FGD5: variants seen among roughly 807,000 people sequenced by gnomAD.
The protein encoded by FGD5 is FYVE, RhoGEF and PH domain-containing protein 5.
A neutral mutation model predicts 133.4 loss-of-function variants in FGD5; 28 were observed. The ratio of observed to expected loss-of-function variants is 0.21; its 90% CI spans 0.16 to 0.29. The LOEUF is 0.29. FGD5 is among the 10% of genes least tolerant of loss of function. The pLI is 1.00. For missense variants in FGD5, 1,858 were observed against 1,895.2 expected, an observed-to-expected ratio of 0.98 and a Z score of 0.36; for synonymous variants, 810 against 776.5, an observed-to-expected ratio of 1.04 and a Z score of -0.72.
intron 4 of FGD5, among the ~76,000 whole-genome samples, chr3:14,884,110 G>A (rs751730938): frequency 1.3e-5 from 2 of 152,228 alleles, no homozygotes; most frequent in Non-Finnish European, 2.9e-5. Flanking sequence ...TACCAAAAAT[G>A]CTGGGCCAAG....
rs892596609 is a variant in FGD5 at position 14,860,639 on chromosome 3, A to G, written c.2526-3489A>G. Among the ~76,000 whole-genome samples, 4 of 152,206 alleles carry G rather than the reference A, an allele frequency of 2.6e-5. No homozygotes were observed. The South Asian group carries it at 8.3e-4, about 32-fold the overall frequency. On this transcript the variant is annotated intron_variant, in intron 1 of 19. Transcript: ENST00000285046. ...AATATGAGCAAGATAACTTTAGTCA[A>G]ACACGTTATTATAATTTAATAATTA...
At chr3:14,882,841 G>A (rs1255788856) in intron 4 of FGD5, among the ~76,000 whole-genome samples, 3 of 152,186 alleles carry the variant, frequency 2.0e-5, no homozygotes, top group African/African-American at 7.2e-5. Flanking sequence ...AGGGACATGA[G>A]TCTTAAAGGA....
At chr3:14,878,471 C>G (rs1032487928) in intron 2 of FGD5, among the ~76,000 whole-genome samples, 3 of 152,150 alleles carry the variant, frequency 2.0e-5, no homozygotes, top group African/African-American at 7.2e-5. Flanking sequence ...CCTGGCACCA[C>G]CTCAGTGACA....
At chr3:14,817,245 G>T (rs2036384159), upstream of FGD5, among the ~76,000 whole-genome samples, 1 of 152,088 alleles carries the variant, frequency 6.6e-6, no homozygotes, top group Non-Finnish European at 1.5e-5. Flanking sequence ...ACCCAGGCGG[G>T]AGTTCAGTGG....
At chr3:14,909,316 A>C (rs1224420878) in intron 10 of FGD5, among the ~76,000 whole-genome samples, 1 of 152,226 alleles carries the variant, frequency 6.6e-6, no homozygotes, top group East Asian at 1.9e-4. Context: ...TTCATAGGCC[A>C]CTTTATACAA....
chr3:14,877,551 A>T (rs1051428956), intron 2 of FGD5, among the ~76,000 whole-genome samples: 1 of 152,200 alleles, frequency 6.6e-6, no homozygotes, highest in African/African-American at 2.4e-5. Context: ...GAGGAAACAG[A>T]GGCATCTGAG....
At chr3:14,869,303 A>G (rs926474821) in intron 2 of FGD5, among the ~76,000 whole-genome samples, 9 of 150,760 alleles carry the variant, frequency 6.0e-5, no homozygotes, top group African/African-American at 1.5e-4. Context: ...TAAGACAACA[A>G]CAACAATACA....
At chr3:14,852,738 A>G (rs909827465) in intron 1 of FGD5, among the ~76,000 whole-genome samples, 3 of 152,180 alleles carry the variant, frequency 2.0e-5, no homozygotes, top group Non-Finnish European at 4.4e-5. Context: ...AATTTTTTTA[A>G]AAGTCTCTCC....
At chr3:14,815,351 CA>C (rs71630867), upstream of FGD5, among the ~76,000 whole-genome samples, 8,842 of 135,540 alleles carry the variant, frequency 0.065, 244 homozygotes, top group African/African-American at 0.075. Context: ...TCTAAAATCG[CA>C]AAAAAAAAAA....
chr3:14,901,910 G>A (rs1460625620), intron 9 of FGD5, among the ~76,000 whole-genome samples: 1 of 152,208 alleles, frequency 6.6e-6, no homozygotes, highest in Admixed American at 6.5e-5. Flanking sequence ...GGATGCAAAT[G>A]ACCATGATAG....
intron 2 of FGD5, among the ~76,000 whole-genome samples, chr3:14,876,983 C>T (rs552937294): frequency 6.6e-6 from 1 of 152,322 alleles, no homozygotes; most frequent in African/African-American, 2.4e-5. Context: ...AGGGAGGAGG[C>T]CAGTAGCCCT....
chr3:14,900,478 G>A, intron 8 of FGD5, 25 bp downstream of exon 8: 1 of 1,611,558 alleles, frequency 6.2e-7, no homozygotes, highest in Non-Finnish European at 8.5e-7. Context: ...AATGCGGAGG[G>A]AGGTACTCAA....
intron 9 of FGD5, among the ~76,000 whole-genome samples, chr3:14,901,416 TA>T: frequency 6.6e-6 from 1 of 152,364 alleles, no homozygotes; most frequent in Non-Finnish European, 1.5e-5. Context: ...GCTGCATTTT[TA>T]ACAAGCACCC....
Position 14,908,921 on chromosome 3 carries a change from A to AATTTATTT in FGD5, c.3336+1234_3336+1241dup, listed in dbSNP as rs748320275. On this transcript the variant is annotated intron_variant, in intron 10 of 19. Coordinates refer to ENST00000285046, the MANE Select transcript of FGD5 (RefSeq NM_152536.4). ...AAATAAAAATAATAAATAAAAAGGG[A>AATTTATTT]ATTTATTTATTTATTTATTTATTTA... 3.6e-3 allele frequency among the ~76,000 whole-genome samples: 538 copies of AATTTATTT among 149,962 alleles called. 1 individual carries two copies. The highest frequency in any genetic ancestry group is 6.4e-3 in the Admixed American group (96 of 15,010).
At chr3:14,839,180 C>T (rs2036870199) in intron 1 of FGD5, among the ~76,000 whole-genome samples, 2 of 152,224 alleles carry the variant, frequency 1.3e-5, no homozygotes, top group South Asian at 4.1e-4. Flanking sequence ...CTTCTGGGGA[C>T]ATTTGACCCG....
At chr3:14,833,479 C>T (rs1402551242) in intron 1 of FGD5, among the ~76,000 whole-genome samples, 1 of 152,186 alleles carries the variant, frequency 6.6e-6, no homozygotes, top group East Asian at 1.9e-4. Context: ...GACTTTCTCG[C>T]ACTGAGAGAT....
chr3:14,903,354 TTTATTATTA>T (rs529647828), intron 9 of FGD5, among the ~76,000 whole-genome samples: 1 of 151,470 alleles, frequency 6.6e-6, no homozygotes, highest in Admixed American at 6.6e-5. Flanking sequence ...TATGAACATC[TTTATTATTA>T]TTATTATTAT....
intron 1 of FGD5, among the ~76,000 whole-genome samples, chr3:14,831,905 G>T (rs2036716300): frequency 6.6e-6 from 1 of 151,862 alleles, no homozygotes; most frequent in African/African-American, 2.4e-5. Context: ...TTCCAGCTGT[G>T]GCTGCAACAC....
intron 19 of FGD5, 138 bp downstream of exon 19, chr3:14,932,869 A>G: frequency 9.6e-7 from 1 of 1,045,342 alleles, no homozygotes; most frequent in Non-Finnish European, 1.4e-6. Flanking sequence ...GAACTGCAGA[A>G]CTACCTGTTC....
Sources: gnomAD v4.1 joint callset for allele counts (sites outside exome capture counted in the v4.1 genomes callset) on GRCh38, gnomAD v4.1.1 for gene constraint, MANE v1.5 for transcripts, NCBI Gene and HGNC (gene_info 2026-07-23, HGNC 2026-07-21) for gene names.